Variants in TSC2 observed in about 807,000 individuals in gnomAD.
The protein encoded by TSC2 is tuberin.
Under a neutral mutation model 202.2 loss-of-function variants are expected in TSC2, and 29 were observed. The ratio of observed to expected loss-of-function variants is 0.14; its 90% CI spans 0.11 to 0.20. The LOEUF (loss-of-function observed/expected upper bound fraction) is 0.20, where lower values mean the gene tolerates loss of function less well. Among genes scored for constraint, TSC2 ranks in the 10% least tolerant of loss-of-function variants. TSC2 has a pLI of 1.00. For synonymous variants in TSC2, 1,349 were observed against 1,044.0 expected (o/e 1.29, Z -5.63); for missense variants, 2,429 against 2,420.0 (o/e 1.00, Z -0.08).
intron 4 of TSC2, 198 bp from the exon 5 acceptor site, chr16:2,054,098 G>T (rs557333039): frequency 1.4e-5 from 11 of 775,252 alleles, no homozygotes; most frequent in Non-Finnish European, 1.9e-5. Context: ...CCCATACGCC[G>T]CTCTGCGGTC....
At chr16:2,062,651 C>G in intron 13 of TSC2, 51 bp downstream of exon 13, 1 of 1,529,718 alleles carries the variant, frequency 6.5e-7, no homozygotes, top group Non-Finnish European at 8.9e-7. Context: ...GGCCCTGTCT[C>G]TGTCTGGGGC....
At chr16:2,060,858 A>G (rs536976738) in intron 11 of TSC2, 45 bp downstream of exon 11, 1 of 1,608,064 alleles carries the variant, frequency 6.2e-7, no homozygotes, top group South Asian at 1.1e-5. Context: ...GAACCCAGAC[A>G]GGCAGGCTCG....
intron 32 of TSC2, chr16:2,082,981 C>T (rs934717305): frequency 2.1e-5 from 8 of 389,502 alleles, no homozygotes; most frequent in Non-Finnish European, 3.6e-5. Context: ...GCCCCCAAGC[C>T]CTGGTGGGGA....
chr16:2,058,993 A>G (rs2086269409), intron 10 of TSC2, 120 bp downstream of exon 10: 3 of 1,496,140 alleles, frequency 2.0e-6, no homozygotes, highest in Admixed American at 3.9e-5. Flanking sequence ...AGGCCTTTCC[A>G]GGCAGTTGCT....
rs1204349917 is a variant in TSC2 at position 2,084,547 on chromosome 16, A to C, written c.4325A>C (p.Glu1442Ala). The C allele has an allele frequency of 6.2e-7, 1 of 1,609,228 alleles. No individual in the cohort carries two copies. Among genetic ancestry groups the C allele is most frequent in the Non-Finnish European group, 8.5e-7 (1 of 1,179,484 alleles). Residue 1442 changes from glutamate to alanine, a missense_variant, in exon 34 of 42, where the codon GAG (glutamate) becomes GCG (alanine). Coordinates refer to ENST00000219476, the MANE Select transcript of TSC2 (RefSeq NM_000548.5). ...ASGEDSRGQP[E>A]GPLPSSSPRS... Reference sequence around the variant, plus strand: ...GGCGAAGACAGTCGGGGCCAGCCCGAGGGTCCCTTGCCTTCCAGCTCCCCC... The same window carrying C: ...GGCGAAGACAGTCGGGGCCAGCCCGCGGGTCCCTTGCCTTCCAGCTCCCCC...
chr16:2,085,914 G>T (rs1445207396), intron 36 of TSC2, among the ~76,000 whole-genome samples: 2 of 152,220 alleles, frequency 1.3e-5, no homozygotes, highest in African/African-American at 2.4e-5. Context: ...GAGTGGGGTA[G>T]GCCCCTGGGG....
At chr16:2,082,339 C>A in intron 31 of TSC2, 97 bp from the exon 32 acceptor site, 1 of 1,439,550 alleles carries the variant, frequency 6.9e-7, no homozygotes, top group Non-Finnish European at 9.7e-7. Context: ...CTGGCCCTGC[C>A]CTCTCTCCTC....
At position 2,054,390 on chromosome 16, in the gene TSC2, A is replaced by G. The variant is rs769286175; in HGVS notation, c.431A>G (p.Lys144Arg). The G allele has an allele frequency of 5.6e-6, 9 of 1,614,240 alleles. No individual in the cohort carries two copies. Among genetic ancestry groups the G allele is most frequent in the Admixed American group, 3.3e-5 (2 of 60,030 alleles). ...CTTCACGAAAGGCTGGAGGTTTTCA[A>G]GGCCCTCACAGACAATGGGAGACAC... is the stretch of plus-strand genomic sequence containing the variant. The part of the protein sequence containing the change: ...EDLHERLEVF[K>R]ALTDNGRHIT... Residue 144 changes from lysine to arginine, a missense_variant, in exon 5 of 42, where the codon AAG becomes AGG. Physicochemically the swap from Lys to Arg is conservative, Grantham distance 26. Transcript: ENST00000219476.
At chr16:2,080,664 C>G (rs534142883) in intron 30 of TSC2, 2 of 425,036 alleles carry the variant, frequency 4.7e-6, no homozygotes, top group East Asian at 4.6e-5. Context: ...TTTTGTATTT[C>G]TAGTAGAGAT....
In TSC2 at chr16:2,056,711, T is replaced by G. The variant is rs778544723; in HGVS notation, c.716T>G (p.Phe239Cys). 74 of 1,612,618 alleles carry G rather than the reference T, an allele frequency of 4.6e-5. 2 individuals are homozygous for G. The South Asian group carries it at 8.1e-4, about 18-fold the overall frequency. The change falls in exon 8 of 42, where the codon TTC becomes TGC. Residue 239 changes from phenylalanine to cysteine, a missense_variant. Transcript: ENST00000219476. ...NCLPAESLPL[F>C]IVTLCRTINV... is the part of the protein sequence containing the mutation. ...CTGCCGGCTGAGAGCCTCCCGCTGTTCATCGTTACCCTCTGTCGCACCATC... is the reference window on the plus strand; with the variant it reads ...CTGCCGGCTGAGAGCCTCCCGCTGTGCATCGTTACCCTCTGTCGCACCATC...
In TSC2 at chr16:2,080,650, AT is replaced by A. The variant is rs747295865; in HGVS notation, c.3610+280del. On this transcript the variant is annotated intron_variant, in intron 30 of 41. Coordinates refer to ENST00000219476, the MANE Select transcript of TSC2 (RefSeq NM_000548.5). ...AGGCGCCCGCCACCACGCCTGGCCA[AT>A]TTTTTTGTATTTCTAGTAGAGATGG... The A allele has an allele frequency of 8.7e-5, 39 of 448,424 alleles. No homozygotes were observed. In the Middle Eastern group the frequency reaches 3.3e-3, roughly 38 times the overall value. The allele number at this position is 448,424 out of a possible 1,614,324, so 27.8% of individuals were successfully genotyped here.
chr16:2,072,773 G>C, intron 20 of TSC2, 76 bp from the exon 21 acceptor site: 1 of 1,609,022 alleles, frequency 6.2e-7, no homozygotes, highest in Non-Finnish European at 8.5e-7. Context: ...TGCGTTCCCA[G>C]GGCCTCCCCA....
rs45517127 is a variant in TSC2, at chr16:2,056,763, C to T, written c.768C>T (p.Cys256=). 5.0e-6 allele frequency: 8 copies of T among 1,608,708 alleles called. No individual in the cohort carries two copies. In the East Asian group the frequency reaches 1.6e-4, roughly 31 times the overall value. ...ACGTCAAGGAGCTCTGCGAGCCTTG[C>T]TGGAAGGTGGGGTTTCTGAAACTGC... ...TINVKELCEP[C]WKLMRNLLGT... The change falls in exon 8 of 42, where the codon TGC becomes TGT. Residue 256 remains cysteine (C), a synonymous_variant. Coordinates refer to ENST00000219476, the MANE Select transcript of TSC2 (RefSeq NM_000548.5).
In TSC2 at chr16:2,053,323, T is replaced by G. The variant is rs938983644; in HGVS notation, c.226-19T>G. The G allele has an allele frequency of 6.4e-7, 1 of 1,563,728 alleles. No homozygotes were observed. Among genetic ancestry groups the G allele is most frequent in the East Asian group, 2.4e-5 (1 of 42,092 alleles). On this transcript the variant is annotated intron_variant, in intron 3 of 41. Coordinates refer to ENST00000219476, the MANE Select transcript of TSC2 (RefSeq NM_000548.5). ...CTTGGAGAGCACATCCTCACCGCTGTCCCCTCTGCTGGTGACAGCACGCAG... is the reference window on the plus strand; with the variant it reads ...CTTGGAGAGCACATCCTCACCGCTGGCCCCTCTGCTGGTGACAGCACGCAG...
intron 30 of TSC2, 63 bp from the exon 31 acceptor site, chr16:2,081,532 G>C: frequency 1.3e-6 from 2 of 1,599,482 alleles, no homozygotes; most frequent in Non-Finnish European, 1.7e-6. Flanking sequence ...GAGGCCCCTG[G>C]GGGGCCAGAG....
rs1010152405 is a variant in TSC2, at chr16:2,089,039, G to A, written c.*429G>A. On this transcript the variant is annotated 3_prime_UTR_variant, in exon 42 of 42. Transcript: ENST00000219476. ...CCTGGGCGCTGCTCTCTTGCTACCT[G>A]GCCTGGGGCAAGGGAGGATGACAAG... The A allele has an allele frequency of 1.0e-5, 2 of 198,732 alleles. No homozygotes were observed. The highest frequency in any genetic ancestry group is 9.6e-5 in the South Asian group (1 of 10,384). 12.3% of individuals were successfully genotyped at this position (198,732 alleles called of 1,614,324 possible).
At chr16:2,085,483 A>G (rs943092664) in intron 36 of TSC2, among the ~76,000 whole-genome samples, 161 bp downstream of exon 36, 1 of 152,178 alleles carries the variant, frequency 6.6e-6, no homozygotes, top group Non-Finnish European at 1.5e-5. Context: ...TGCTGCTCTG[A>G]GTGCTGGGGA....
chr16:2,055,830 G>A (rs1403216793), intron 6 of TSC2: 3 of 459,890 alleles, frequency 6.5e-6, no homozygotes, highest in Non-Finnish European at 1.2e-5. Context: ...GGCAGAGGTT[G>A]CAGTGAGCGG....
In TSC2 at chr16:2,079,009, C is replaced by G. The variant is rs2089783064; in HGVS notation, c.2967-23C>G. ...GCCCGCCCTACCTGGCACCCTGACC[C>G]TGGTCACGGCCTCTCCCTCCAGCAG... On this transcript the variant is annotated intron_variant, in intron 26 of 41. Transcript: ENST00000219476. The surrounding 1 kb of genome is among the most constrained non-coding windows in gnomAD (Gnocchi z 4.6). 2 of 1,611,756 alleles carry G rather than the reference C, an allele frequency of 1.2e-6. No individual in the cohort carries two copies. Among genetic ancestry groups the G allele is most frequent in the Admixed American group, 1.7e-5 (1 of 60,002 alleles).
Sources: allele counts gnomAD v4.1 joint callset (sites outside exome capture counted in the v4.1 genomes callset), GRCh38; gene constraint gnomAD v4.1.1; non-coding constraint Gnocchi (gnomAD v3.1); transcripts MANE v1.5; gene names NCBI Gene and HGNC (gene_info 2026-07-23, HGNC 2026-07-21).